Variants in HPGD observed in about 807,000 individuals in gnomAD.
HPGD encodes the protein 15-hydroxyprostaglandin dehydrogenase [NAD(+)].
HPGD carries 29 observed loss-of-function variants against 30.0 expected under a neutral mutation model. That is an observed-to-expected ratio of 0.97 (90% CI 0.72 to 1.32). The LOEUF (loss-of-function observed/expected upper bound fraction) is 1.32. Among genes scored for constraint, HPGD ranks in the 40% most tolerant of loss-of-function variants. HPGD has a pLI of 0.00. For synonymous variants in HPGD, 99 were observed against 112.4 expected, an observed-to-expected ratio of 0.88 and a Z score of 0.75; for missense variants, 340 against 322.1, an observed-to-expected ratio of 1.06 and a Z score of -0.43.
In HPGD at chr4:174,492,845, G is replaced by C. The variant is rs1019736495; in HGVS notation, c.662+306C>G. ...TTGCAATATTTCACAGACTATATTT[G>C]AATATTGCTTGGAATTTAGGCAGAG... is the stretch of plus-strand genomic sequence containing the variant. On this transcript the variant is annotated intron_variant, in intron 6 of 6. Coordinates refer to ENST00000296522, the MANE Select transcript of HPGD (RefSeq NM_000860.6). This position sits in a 1 kb window ranked among gnomAD's most constrained non-coding sequence, Gnocchi z 4.9. Among the ~76,000 whole-genome samples the C allele has an allele frequency of 6.6e-6, 1 of 152,056 alleles. No individual in the cohort carries two copies. The highest frequency in any genetic ancestry group is 2.4e-5 in the African/African-American group (1 of 41,436).
In HPGD at chr4:174,492,031, A is replaced by G; in HGVS notation, c.726T>C (p.Ile242=). ...TTCCCTTAGAAGTTGTGATCTTCAT[A>G]ATAGCACCATTTAAAGCATCATCTT... ...LIEDDALNGA[I]MKITTSKGIH... The change falls in exon 7 of 7, where the codon ATT becomes ATC. Residue 242 remains isoleucine, a synonymous_variant. Transcript: ENST00000296522. This position sits in a 1 kb window ranked among gnomAD's most constrained non-coding sequence, Gnocchi z 4.9. 1 of 1,609,630 alleles carries G rather than the reference A, an allele frequency of 6.2e-7. No individual in the cohort carries two copies. Among genetic ancestry groups the G allele is most frequent in the Non-Finnish European group, 8.5e-7 (1 of 1,176,208 alleles).
chr4:174,517,071 C>G (rs1160908219), intron 3 of HPGD, among the ~76,000 whole-genome samples: 1 of 152,100 alleles, frequency 6.6e-6, no homozygotes, highest in Admixed American at 6.5e-5. Context: ...GTGAGAATGA[C>G]CTTAGCAAGG....
chr4:174,515,215 C>G (rs1735708871), intron 3 of HPGD, among the ~76,000 whole-genome samples: 1 of 152,088 alleles, frequency 6.6e-6, no homozygotes, highest in Non-Finnish European at 1.5e-5. Context: ...CAAAGCAATT[C>G]TAAGTAAAAT....
At chr4:174,519,430 A>G (rs45544931) in intron 2 of HPGD, among the ~76,000 whole-genome samples, 3,175 of 152,044 alleles carry the variant, frequency 0.021, 82 homozygotes, top group African/African-American at 0.064. Flanking sequence ...AGCCAGGATG[A>G]TCTCTGTCAG....
At chr4:174,510,659 G>A (rs45444997) in intron 3 of HPGD, among the ~76,000 whole-genome samples, 7 of 152,148 alleles carry the variant, frequency 4.6e-5, no homozygotes, top group Admixed American at 3.9e-4. Flanking sequence ...CCATTATCAG[G>A]TTAAGAACTG....
At chr4:174,498,323 T>G (rs1043755309) in intron 4 of HPGD, among the ~76,000 whole-genome samples, 35 of 151,276 alleles carry the variant, frequency 2.3e-4, no homozygotes, top group Non-Finnish European at 4.4e-4. Context: ...CTTTTTTCAT[T>G]TTTTTTTTAC....
chr4:174,502,515 A>AAAC (rs1470924915), intron 4 of HPGD, among the ~76,000 whole-genome samples: 5 of 152,086 alleles, frequency 3.3e-5, no homozygotes, highest in Non-Finnish European at 7.4e-5. Flanking sequence ...CGTCTCTACT[A>AAAC]AAAATACAAA....
intron 4 of HPGD, among the ~76,000 whole-genome samples, chr4:174,505,995 T>G (rs1425995924): frequency 6.6e-6 from 1 of 152,206 alleles, no homozygotes; most frequent in African/African-American, 2.4e-5. Flanking sequence ...ATCACTGAAT[T>G]TATATCAAGT....
intron 2 of HPGD, among the ~76,000 whole-genome samples, chr4:174,519,367 C>T (rs540213832): frequency 1.3e-5 from 2 of 152,190 alleles, no homozygotes; most frequent in East Asian, 1.9e-4. Context: ...GCGCCCACCA[C>T]CACGCCCGGC....
chr4:174,501,927 C>T (rs1268166725), intron 4 of HPGD, among the ~76,000 whole-genome samples: 3 of 152,120 alleles, frequency 2.0e-5, no homozygotes, highest in Non-Finnish European at 2.9e-5. Context: ...ACAGAAACCT[C>T]CTCAGACAGG....
Position 174,508,780 on chromosome 4 carries a change from T to C in HPGD, c.337A>G (p.Ser113Gly). ...TAATCCAAACCAAGATAGGTTCCAC[T>C]GATAACAGAAACCTAATCCAGAGGC... ...TLQINLVSVISGTYLGLDYMS... is the reference protein window; with the variant it reads ...TLQINLVSVIGGTYLGLDYMS... Residue 113 changes from serine to glycine, a missense_variant, in exon 4 of 7, where the codon AGT becomes GGT. Coordinates refer to ENST00000296522, the MANE Select transcript of HPGD (RefSeq NM_000860.6). 1 of 1,590,622 alleles carries C rather than the reference T, an allele frequency of 6.3e-7. No individual in the cohort carries two copies. The highest frequency in any genetic ancestry group is 8.6e-7 in the Non-Finnish European group (1 of 1,159,118).
rs765375453 is a variant in HPGD, at chr4:174,492,900, A to G, written c.662+251T>C. On this transcript the variant is annotated intron_variant, in intron 6 of 6. Transcript: ENST00000296522. This position sits in a 1 kb window ranked among gnomAD's most constrained non-coding sequence, Gnocchi z 4.9. ...TATCATTGCCTTCAAAGGTGACTAA[A>G]TATCAACTTTATGACTGATGGTAGT... 3.1e-4 allele frequency among the ~76,000 whole-genome samples: 47 copies of G among 152,160 alleles called. No homozygotes were observed. Among genetic ancestry groups the G allele is most frequent in the Non-Finnish European group, 4.3e-4 (29 of 67,980 alleles).
Position 174,522,359 on chromosome 4 carries a change from C to T in HPGD, c.93G>A (p.Lys31=), listed in dbSNP as rs1401452388. The T allele has an allele frequency of 1.3e-6, 2 of 1,560,718 alleles. No individual in the cohort carries two copies. The highest frequency in any genetic ancestry group is 3.8e-5 in the Admixed American group (2 of 52,574). Residue 31 remains lysine, a splice_region_variant and synonymous_variant, in exon 1 of 7, where the codon AAG becomes AAA. Coordinates refer to ENST00000296522, the MANE Select transcript of HPGD (RefSeq NM_000860.6). ...TTCCGCGGCTGGGCGCCGGGCTTAC[C>T]TTGGCGCCCTTAAGCAGCAGCGCCT... is the stretch of plus-strand genomic sequence containing the variant. ...FAEALLLKGA[K]VALVDWNLEA...
chr4:174,522,495 T>C, upstream of HPGD: 15 of 1,461,412 alleles, frequency 1.0e-5, no homozygotes, highest in Non-Finnish European at 1.4e-5. Flanking sequence ...GCTCCGCGTC[T>C]CCGCGCGGCC....
chr4:174,510,196 C>T (rs879515942), intron 3 of HPGD, among the ~76,000 whole-genome samples: 1 of 152,130 alleles, frequency 6.6e-6, no homozygotes, highest in Non-Finnish European at 1.5e-5. Context: ...TTCAGATATA[C>T]TTCTCCTACC....
intron 3 of HPGD, among the ~76,000 whole-genome samples, chr4:174,513,547 C>T (rs1384853702): frequency 6.6e-6 from 1 of 150,412 alleles, no homozygotes; most frequent in Admixed American, 6.6e-5. Flanking sequence ...AAAAAGAAAA[C>T]AGTAAATATT....
intron 3 of HPGD, 50 bp from the exon 4 acceptor site, chr4:174,508,842 C>T (rs1296006425): frequency 1.0e-6 from 1 of 977,522 alleles, no homozygotes; most frequent in Non-Finnish European, 1.7e-6. Flanking sequence ...TATCCTTTCC[C>T]ATATTTTCAC....
chr4:174,495,493 GT>G, intron 5 of HPGD, 54 bp downstream of exon 5: 1 of 1,328,180 alleles, frequency 7.5e-7, no homozygotes, highest in Non-Finnish European at 1.1e-6. Flanking sequence ...CAGAATTCAT[GT>G]TTTATAAATG....
At chr4:174,497,574 T>TCC (rs1734680980) in intron 4 of HPGD, among the ~76,000 whole-genome samples, 1 of 94,354 alleles carries the variant, frequency 1.1e-5, no homozygotes, top group African/African-American at 4.7e-5. Flanking sequence ...CTTTCTTTTT[T>TCC]TTTTTTTTTT....
Sources: allele counts gnomAD v4.1 joint callset (sites outside exome capture counted in the v4.1 genomes callset), GRCh38; gene constraint gnomAD v4.1.1; non-coding constraint Gnocchi (gnomAD v3.1); transcripts MANE v1.5; gene names NCBI Gene and HGNC (gene_info 2026-07-23, HGNC 2026-07-21).